The following EIF4E1B variants were observed in gnomAD, a reference collection of about 807,000 sequenced individuals.
The protein encoded by EIF4E1B is eukaryotic translation initiation factor 4E type 1B.
In EIF4E1B, 22 loss-of-function variants were observed where a neutral mutation model predicts 31.3. The ratio of observed to expected loss-of-function variants is 0.70; its 90% confidence interval spans 0.50 to 1.00. EIF4E1B has a LOEUF of 1.00. EIF4E1B is among the 50% of genes least tolerant of loss of function. The probability of loss-of-function intolerance (pLI) is 0.00; values close to 1 mark genes in which losing one functional copy is unlikely to be tolerated. For synonymous variants in EIF4E1B, 126 were observed against 120.2 expected, an observed-to-expected ratio of 1.05 and a Z score of -0.31; for missense variants, 290 against 311.6, an observed-to-expected ratio of 0.93 and a Z score of 0.52.
At position 176,643,076 on chromosome 5, in the gene EIF4E1B, G is replaced by T. The variant is rs758121713; in HGVS notation, c.16-6G>T. The stretch of plus-strand genomic sequence containing the variant: ...CAACCCATCCTGACTCCTTTTTTTG[G>T]CTCAGGTGAGTGAAGCTGAGGGTGG... On this transcript the variant is annotated splice_region_variant and splice_polypyrimidine_tract_variant and intron_variant, in intron 3 of 8. Coordinates refer to ENST00000318682, the MANE Select transcript of EIF4E1B (RefSeq NM_001099408.2). 16 of 1,603,104 alleles carry T rather than the reference G, an allele frequency of 1.0e-5. No individual in the cohort carries two copies. The East Asian group carries it at 3.1e-4, about 31-fold the overall frequency.
chr5:176,635,887 G>A (rs1760484171), intron 1 of EIF4E1B, among the ~76,000 whole-genome samples: 1 of 152,090 alleles, frequency 6.6e-6, no homozygotes, highest in South Asian at 2.1e-4. Context: ...TGTAATCTCG[G>A]CTCACTGCAA....
intron 2 of EIF4E1B, 70 bp from the exon 3 acceptor site, chr5:176,642,640 G>T (rs912708236): frequency 1.5e-6 from 2 of 1,332,756 alleles, no homozygotes; most frequent in East Asian, 2.6e-5. Flanking sequence ...ACATTCTGGG[G>T]TCACCCTCCA....
rs553730978 is a variant in EIF4E1B at position 176,642,731 on chromosome 5, G to T, written c.-57G>T. ...TCAGGTCTTGGCCCCCATGGTGTGG[G>T]GCTTGGTCACAGCTGCTTCCCCAGC... On this transcript the variant is annotated 5_prime_UTR_variant, in exon 3 of 9. Coordinates refer to ENST00000318682, the MANE Select transcript of EIF4E1B (RefSeq NM_001099408.2). The T allele has an allele frequency of 1.3e-6, 2 of 1,552,962 alleles. No homozygotes were observed. Among genetic ancestry groups the T allele is most frequent in the Non-Finnish European group, 1.7e-6 (2 of 1,148,036 alleles).
intron 5 of EIF4E1B, 134 bp from the exon 6 acceptor site, chr5:176,644,242 C>A: frequency 1.2e-6 from 1 of 863,496 alleles, no homozygotes; most frequent in Non-Finnish European, 1.8e-6. Context: ...GGAGTGGAAT[C>A]CCAGGTGGCA....
intron 1 of EIF4E1B, among the ~76,000 whole-genome samples, chr5:176,640,863 T>C (rs1019987697): frequency 1.6e-4 from 24 of 152,366 alleles, no homozygotes; most frequent in Admixed American, 1.4e-3. Context: ...GCACATACTG[T>C]TCCCACTCCC....
rs1760600341 is a variant in EIF4E1B, at chr5:176,642,751, C to G, written c.-37C>G. On this transcript the variant is annotated 5_prime_UTR_variant, in exon 3 of 9. Coordinates refer to ENST00000318682, the MANE Select transcript of EIF4E1B (RefSeq NM_001099408.2). ...TGTGGGGCTTGGTCACAGCTGCTTC[C>G]CCAGCCCCAGGCCTGCACGAAGAAG... is the stretch of plus-strand genomic sequence containing the variant. The G allele has an allele frequency of 6.4e-7, 1 of 1,557,836 alleles. No individual in the cohort carries two copies. The highest frequency in any genetic ancestry group is 1.4e-5 in the African/African-American group (1 of 73,180).
chr5:176,640,853 G>A (rs1169429481), intron 1 of EIF4E1B, among the ~76,000 whole-genome samples: 1 of 152,180 alleles, frequency 6.6e-6, no homozygotes, highest in Admixed American at 6.5e-5. Context: ...CAGGGCATTT[G>A]CACATACTGT....
rs182003279 is a variant in EIF4E1B, at chr5:176,644,204, A to G, written c.297-172A>G. 2.0e-3 allele frequency: 1,318 copies of G among 675,646 alleles called. 7 individuals are homozygous for G. The African/African-American group carries it at 0.02, about 10-fold the overall frequency. 41.9% of individuals were successfully genotyped at this position (675,646 alleles called of 1,614,324 possible). A position where few individuals can be genotyped will look rare whatever the true frequency, so the allele number is the denominator to read the frequency against. On this transcript the variant is annotated intron_variant, in intron 5 of 8. Coordinates refer to ENST00000318682, the MANE Select transcript of EIF4E1B (RefSeq NM_001099408.2). ...CTTCACTGGGAAGGCTCTGTGGAAA[A>G]GGTGGGTCTTGAGAGTTTGGATAAA...
rs1272479938 is a variant in EIF4E1B at position 176,638,987 on chromosome 5, G to C, written c.-201-3056G>C. 1.3e-5 allele frequency among the ~76,000 whole-genome samples: 2 copies of C among 152,120 alleles called. No individual in the cohort carries two copies. Among genetic ancestry groups the C allele is most frequent in the Non-Finnish European group, 2.9e-5 (2 of 68,042 alleles). On this transcript the variant is annotated intron_variant, in intron 1 of 8. Transcript: ENST00000318682. The surrounding 1 kb of genome is among the most constrained non-coding windows in gnomAD (Gnocchi z 4.3). ...GTTTGTTTGTTTTATTTTTAGTAGA[G>C]ACACGGTTTTACCATGTTGGCCAGG...
chr5:176,646,274 G>A lies in EIF4E1B; in HGVS notation c.*294G>A, dbSNP rs1042250491. ...GGGGAAGGAGGGCTCTATGGTAGGCGGAGAAACCCATAGTCCAGCGTTTAC... is the reference window on the plus strand; with the variant it reads ...GGGGAAGGAGGGCTCTATGGTAGGCAGAGAAACCCATAGTCCAGCGTTTAC... On this transcript the variant is annotated 3_prime_UTR_variant, in exon 9 of 9. Coordinates refer to ENST00000318682, the MANE Select transcript of EIF4E1B (RefSeq NM_001099408.2). 8.6e-6 allele frequency: 3 copies of A among 349,514 alleles called. No homozygotes were observed. Among genetic ancestry groups the A allele is most frequent in the South Asian group, 8.8e-5 (2 of 22,806 alleles). 21.7% of individuals were successfully genotyped at this position (349,514 alleles called of 1,614,324 possible).
chr5:176,639,410 C>G (rs770348047), intron 1 of EIF4E1B, among the ~76,000 whole-genome samples: 7 of 152,194 alleles, frequency 4.6e-5, no homozygotes, highest in Non-Finnish European at 8.8e-5. Context: ...GCCAGGATGC[C>G]TGTAGCGCCA....
rs1760534664 is a variant in EIF4E1B, at chr5:176,638,843, C to T, written c.-201-3200C>T. On this transcript the variant is annotated intron_variant, in intron 1 of 8. Transcript: ENST00000318682. This position sits in a 1 kb window ranked among gnomAD's most constrained non-coding sequence, Gnocchi z 4.3. ...AGGCTGGAGTGCAATGGTGCGATCT[C>T]GGCTCACTGCAACCTCTACCTCCCC... Among the ~76,000 whole-genome samples the T allele has an allele frequency of 3.3e-5, 5 of 152,276 alleles. No homozygotes were observed. The highest frequency in any genetic ancestry group is 2.1e-4 in the South Asian group (1 of 4,824).
At chr5:176,632,773 C>T (rs976070817) in intron 1 of EIF4E1B, among the ~76,000 whole-genome samples, 1 of 152,188 alleles carries the variant, frequency 6.6e-6, no homozygotes, top group Non-Finnish European at 1.5e-5. Context: ...AAAATTGCCC[C>T]CTTCCCATGT....
intron 1 of EIF4E1B, among the ~76,000 whole-genome samples, chr5:176,640,603 A>G (rs729423): frequency 0.22 from 34,174 of 152,012 alleles, 4,468 homozygotes; most frequent in East Asian, 0.63. Flanking sequence ...CTACATTAGC[A>G]TCCTAGTCAG....
chr5:176,640,780 C>T (rs957044724), intron 1 of EIF4E1B, among the ~76,000 whole-genome samples: 8 of 152,230 alleles, frequency 5.3e-5, no homozygotes, highest in African/African-American at 9.6e-5. Context: ...TTTCTTTCCC[C>T]TTTTAGCTTC....
intron 1 of EIF4E1B, among the ~76,000 whole-genome samples, chr5:176,641,468 A>C (rs1760576212): frequency 6.6e-6 from 1 of 152,072 alleles, no homozygotes; most frequent in Non-Finnish European, 1.5e-5. Flanking sequence ...GCACCTAAGA[A>C]CTGCCGCTCT....
intron 6 of EIF4E1B, among the ~76,000 whole-genome samples, chr5:176,644,842 G>A (rs1760662116): frequency 6.6e-6 from 1 of 152,184 alleles, no homozygotes; most frequent in Admixed American, 6.5e-5. Flanking sequence ...TGCCTGCATT[G>A]GGGTCTGCCC....
At chr5:176,637,519 G>A (rs1232159574) in intron 1 of EIF4E1B, among the ~76,000 whole-genome samples, 1 of 152,172 alleles carries the variant, frequency 6.6e-6, no homozygotes, top group Non-Finnish European at 1.5e-5. Flanking sequence ...TGCGTCAGGA[G>A]GTGACAAATG....
rs983259228 is a variant in EIF4E1B, at chr5:176,643,807, C to T, written c.296+73C>T. ...TGGGCTCCCTCTCTCCGGGTTGAGC[C>T]AGCCCTCCCTAGGGCCTTTCAGCCT... On this transcript the variant is annotated intron_variant, in intron 5 of 8. Transcript: ENST00000318682. 4 of 1,496,632 alleles carry T rather than the reference C, an allele frequency of 2.7e-6. No homozygotes were observed. The African/African-American group carries it at 5.5e-5, about 21-fold the overall frequency. 92.7% of individuals were successfully genotyped at this position (1,496,632 alleles called of 1,614,324 possible).
Sources: allele counts gnomAD v4.1 joint callset (sites outside exome capture counted in the v4.1 genomes callset), GRCh38; gene constraint gnomAD v4.1.1; non-coding constraint Gnocchi (gnomAD v3.1); transcripts MANE v1.5; gene names NCBI Gene and HGNC (gene_info 2026-07-23, HGNC 2026-07-21).